The following PTPRN2 variants were observed in gnomAD, a reference collection of about 807,000 sequenced individuals.
PTPRN2 encodes protein tyrosine phosphatase receptor type N2.
In PTPRN2, 74 loss-of-function variants were observed where a neutral mutation model predicts 118.8. That is an observed-to-expected ratio of 0.62 (90% CI 0.52 to 0.76). The LOEUF is 0.76. PTPRN2 is among the 30% of genes least tolerant of loss of function. PTPRN2 has a pLI of 0.00. For missense variants in PTPRN2, 1,481 were observed against 1,394.4 expected (o/e 1.06, Z -0.99); for synonymous variants, 641 against 608.0 (o/e 1.05, Z -0.80).
At position 157,974,195 on chromosome 7, in the gene PTPRN2, A is replaced by G. The variant is rs192479028; in HGVS notation, c.1724-75458T>C. 3.0e-4 allele frequency among the ~76,000 whole-genome samples: 45 copies of G among 152,314 alleles called. No individual in the cohort carries two copies. The highest frequency in any genetic ancestry group is 1.7e-3 in the Admixed American group (26 of 15,306). Reference sequence around the variant, plus strand: ...GATGATCATTGTGGAAAGAATGGACAGCACCCTGGTTGATGTGCAGAGTGA... The same window carrying G: ...GATGATCATTGTGGAAAGAATGGACGGCACCCTGGTTGATGTGCAGAGTGA... On this transcript the variant is annotated intron_variant, in intron 11 of 22. Coordinates refer to ENST00000389418, the MANE Select transcript of PTPRN2 (RefSeq NM_002847.5). The surrounding 1 kb of genome is among the most constrained non-coding windows in gnomAD (Gnocchi z 4.0).
chr7:158,436,858 T>A lies in PTPRN2; in HGVS notation c.163+52877A>T, dbSNP rs547559025. 4.6e-5 allele frequency among the ~76,000 whole-genome samples: 7 copies of A among 152,316 alleles called. No individual in the cohort carries two copies. The South Asian group carries it at 1.5e-3, about 32-fold the overall frequency. ...ACTTTGGTTTTTACTAATTTTAGAG[T>A]GATGTTCAGAGGTAGGGTTTTCTTT... On this transcript the variant is annotated intron_variant, in intron 2 of 22. Coordinates refer to ENST00000389418, the MANE Select transcript of PTPRN2 (RefSeq NM_002847.5).
chr7:157,987,520 G>C lies in PTPRN2; in HGVS notation c.1724-88783C>G, dbSNP rs1055859204. ...GTCAGTCATTATCTCTTGCATAAGAGACTTCCCAGGGGCAGAGCAGACCCG... is the reference window on the plus strand; with the variant it reads ...GTCAGTCATTATCTCTTGCATAAGACACTTCCCAGGGGCAGAGCAGACCCG... On this transcript the variant is annotated intron_variant, in intron 11 of 22. Transcript: ENST00000389418. The surrounding 1 kb of genome is among the most constrained non-coding windows in gnomAD (Gnocchi z 4.3). Among the ~76,000 whole-genome samples the C allele has an allele frequency of 6.6e-6, 1 of 152,140 alleles. No homozygotes were observed. The highest frequency in any genetic ancestry group is 1.5e-5 in the Non-Finnish European group (1 of 68,028).
chr7:158,392,197 G>T (rs1236033534), intron 2 of PTPRN2, among the ~76,000 whole-genome samples: 2 of 152,120 alleles, frequency 1.3e-5, no homozygotes, highest in Admixed American at 6.5e-5. Context: ...CCATCCTCAG[G>T]GTGAGGACTC....
intron 12 of PTPRN2, among the ~76,000 whole-genome samples, chr7:157,759,490 A>G (rs1365089424): frequency 6.6e-6 from 1 of 152,210 alleles, no homozygotes; most frequent in Non-Finnish European, 1.5e-5. Context: ...AGCTCCTTGT[A>G]AGCCCATCAG....
chr7:158,075,095 C>T (rs1563398734), intron 11 of PTPRN2, among the ~76,000 whole-genome samples: 1 of 152,228 alleles, frequency 6.6e-6, no homozygotes, highest in Non-Finnish European at 1.5e-5. Context: ...CTTGTAATTA[C>T]AGAGCCATGG....
At chr7:158,411,542 G>A (rs1232510774) in intron 2 of PTPRN2, among the ~76,000 whole-genome samples, 2 of 152,192 alleles carry the variant, frequency 1.3e-5, no homozygotes, top group Admixed American at 1.3e-4. Context: ...CCGGGAACAG[G>A]GGTCCCCTTC....
intron 12 of PTPRN2, among the ~76,000 whole-genome samples, chr7:157,852,440 C>A (rs1235154681): frequency 1.3e-5 from 2 of 152,200 alleles, no homozygotes; most frequent in African/African-American, 4.8e-5. Context: ...GCCAAGTCTC[C>A]TACCCTCTAA....
intron 12 of PTPRN2, among the ~76,000 whole-genome samples, chr7:157,815,469 G>A (rs2151127007): frequency 6.6e-6 from 1 of 152,362 alleles, no homozygotes. Flanking sequence ...GCCGAGGTGG[G>A]AAAGCCGGAG....
intron 12 of PTPRN2, among the ~76,000 whole-genome samples, chr7:157,793,915 C>T (rs1804685914): frequency 6.6e-6 from 1 of 152,172 alleles, no homozygotes; most frequent in South Asian, 2.1e-4. Flanking sequence ...TCCCTCGGCC[C>T]CCTCTCTGCC....
chr7:157,896,928 G>A (rs568453999), intron 12 of PTPRN2, among the ~76,000 whole-genome samples: 9 of 151,590 alleles, frequency 5.9e-5, no homozygotes, highest in African/African-American at 9.7e-5. Flanking sequence ...CCCATTCCCC[G>A]TCCCCCACCC....
intron 6 of PTPRN2, among the ~76,000 whole-genome samples, chr7:158,149,334 C>G (rs970427833): frequency 6.6e-6 from 1 of 152,040 alleles, no homozygotes; most frequent in African/African-American, 2.4e-5. Context: ...ATATTTAACC[C>G]CTGGAAATTA....
intron 2 of PTPRN2, among the ~76,000 whole-genome samples, chr7:158,331,048 C>G (rs62493631): frequency 4.4e-4 from 61 of 137,544 alleles, no homozygotes; most frequent in South Asian, 1.0e-3. Flanking sequence ...GAGGTGACAC[C>G]TGCAGACGTC....
intron 2 of PTPRN2, among the ~76,000 whole-genome samples, chr7:158,395,272 T>G (rs1812264308): frequency 8.1e-6 from 1 of 123,222 alleles, no homozygotes; most frequent in Admixed American, 8.5e-5. Flanking sequence ...CCCAGGGCTG[T>G]CCCTGCACAA....
At position 158,525,870 on chromosome 7, in the gene PTPRN2, C is replaced by T. The variant is rs1024319671; in HGVS notation, c.113-36085G>A. Among the ~76,000 whole-genome samples, 2 of 152,136 alleles carry T rather than the reference C, an allele frequency of 1.3e-5. No individual in the cohort carries two copies. Among genetic ancestry groups the T allele is most frequent in the African/African-American group, 4.8e-5 (2 of 41,428 alleles). ...AAGCCCCGATGATACAGGGTGAAGACGCCTCCCCTCACAGACCTCAGACCT... is the reference window on the plus strand; with the variant it reads ...AAGCCCCGATGATACAGGGTGAAGATGCCTCCCCTCACAGACCTCAGACCT... On this transcript the variant is annotated intron_variant, in intron 1 of 22. Coordinates refer to ENST00000389418, the MANE Select transcript of PTPRN2 (RefSeq NM_002847.5). The surrounding 1 kb of genome is among the most constrained non-coding windows in gnomAD (Gnocchi z 4.1).
At chr7:157,855,651 T>G (rs973677998) in intron 12 of PTPRN2, among the ~76,000 whole-genome samples, 3 of 152,130 alleles carry the variant, frequency 2.0e-5, no homozygotes, top group Admixed American at 2.0e-4. Flanking sequence ...ATAGAGCACA[T>G]CCCGGCGGGA....
chr7:157,839,129 T>A (rs1808188152), intron 12 of PTPRN2, among the ~76,000 whole-genome samples: 1 of 152,196 alleles, frequency 6.6e-6, no homozygotes, highest in Non-Finnish European at 1.5e-5. Flanking sequence ...TGCCTCTGAT[T>A]CCATCCTCTA....
chr7:157,726,913 G>A (rs1025831215), intron 12 of PTPRN2, among the ~76,000 whole-genome samples: 3 of 152,198 alleles, frequency 2.0e-5, no homozygotes, highest in African/African-American at 7.2e-5. Flanking sequence ...GGCGCTTGGC[G>A]TCACCAAAAT....
chr7:158,071,151 A>T (rs1303559952), intron 11 of PTPRN2, among the ~76,000 whole-genome samples: 1 of 38,860 alleles, frequency 2.6e-5, no homozygotes, highest in Non-Finnish European at 4.6e-5. Context: ...GTGGTGGTGG[A>T]GGTGCTCGTG....
rs75465341 is a variant in PTPRN2, at chr7:157,929,451, C to T, written c.1724-30714G>A. The stretch of plus-strand genomic sequence containing the variant: ...TTTGTTCCTTTTAGGAGGAAGCCAC[C>T]GGATCGTTTCCCATGCTTAAGCTCA... On this transcript the variant is annotated intron_variant, in intron 11 of 22. Coordinates refer to ENST00000389418, the MANE Select transcript of PTPRN2 (RefSeq NM_002847.5). This position sits in a 1 kb window ranked among gnomAD's most constrained non-coding sequence, Gnocchi z 4.4. Among the ~76,000 whole-genome samples the T allele has an allele frequency of 1.3e-5, 2 of 152,066 alleles. No individual in the cohort carries two copies. Among genetic ancestry groups the T allele is most frequent in the Non-Finnish European group, 2.9e-5 (2 of 67,994 alleles).
Sources: allele counts gnomAD v4.1 joint callset (sites outside exome capture counted in the v4.1 genomes callset), GRCh38; gene constraint gnomAD v4.1.1; non-coding constraint Gnocchi (gnomAD v3.1); transcripts MANE v1.5; gene names NCBI Gene and HGNC (gene_info 2026-07-23, HGNC 2026-07-21).